Variants in PPEF1 observed in about 807,000 individuals in gnomAD.
PPEF1 encodes the protein protein phosphatase with EF-hand domain 1.
A neutral mutation model predicts 53.3 loss-of-function variants in PPEF1; 12 were observed. That is an observed-to-expected ratio of 0.23 (90% CI 0.14 to 0.36). The LOEUF is 0.36. Among genes scored for constraint, PPEF1 ranks in the 10% least tolerant of loss-of-function variants. The pLI is 1.00. For synonymous variants in PPEF1, 165 were observed against 176.7 expected (o/e 0.93, Z 0.52); for missense variants, 334 against 490.4 (o/e 0.68, Z 3.01).
chrX:18,799,898 A>G (rs1368675021), intron 10 of PPEF1, among the ~76,000 whole-genome samples: 9 of 111,685 alleles, frequency 8.1e-5, no homozygotes, highest in Admixed American at 9.6e-5. Context: ...CTTTTATGCA[A>G]TTTTTTTGTG....
upstream of PPEF1, among the ~76,000 whole-genome samples, chrX:18,704,388 C>G (rs1203917069): frequency 9.0e-6 from 1 of 111,135 alleles, no homozygotes; most frequent in Non-Finnish European, 1.9e-5. Flanking sequence ...AATGTGTATT[C>G]CAAGGCACTG....
intron 1 of PPEF1, among the ~76,000 whole-genome samples, chrX:18,711,392 C>T (rs112347099): frequency 2.1e-4 from 23 of 110,327 alleles, no homozygotes; most frequent in African/African-American, 7.2e-4. Flanking sequence ...GTAATGGTTA[C>T]GCTAAAAGCC....
At chrX:18,746,414 T>C (rs1227750784) in intron 3 of PPEF1, among the ~76,000 whole-genome samples, 1 of 112,393 alleles carries the variant, frequency 8.9e-6, no homozygotes, top group African/African-American at 3.2e-5. Flanking sequence ...TAGTTTTAAC[T>C]AAGAATCGGT....
chrX:18,756,117 T>G (rs867541262), intron 4 of PPEF1, among the ~76,000 whole-genome samples: 20 of 111,008 alleles, frequency 1.8e-4, no homozygotes, highest in Admixed American at 1.2e-3. Flanking sequence ...TTTTCATTAT[T>G]TTACCCATTT....
In PPEF1 at chrX:18,745,208, TTA is replaced by T. The variant is rs762822668; in HGVS notation, c.236-4570_236-4569del. ...TCCATATAATTATATAGAATATATA[TTA>T]TATATATATATATTTATTTTCGAGA... On this transcript the variant is annotated intron_variant, in intron 3 of 15. Transcript: ENST00000470157. Among the ~76,000 whole-genome samples the T allele has an allele frequency of 6.3e-5, 6 of 94,521 alleles. No individual in the cohort carries two copies. The East Asian group carries it at 9.2e-4, about 14-fold the overall frequency. 82.1% of individuals were successfully genotyped at this position (94,521 alleles called of 115,157 possible).
chrX:18,681,924 C>T (rs1028478919), upstream of PPEF1, among the ~76,000 whole-genome samples: 9 of 112,106 alleles, frequency 8.0e-5, no homozygotes, highest in African/African-American at 1.9e-4. Context: ...CTGCACTGTC[C>T]GCGGAACTGG....
chrX:18,724,600 C>G (rs6633131), intron 1 of PPEF1, among the ~76,000 whole-genome samples: 7,655 of 111,813 alleles, frequency 0.068, 658 homozygotes, highest in African/African-American at 0.23. Context: ...GCTACACATG[C>G]TCCTCAATAG....
chrX:18,817,934 C>T (rs758392137), intron 12 of PPEF1, 105 bp from the exon 13 acceptor site: 24 of 563,993 alleles, frequency 4.3e-5, no homozygotes, highest in Non-Finnish European at 6.5e-5. Context: ...AGAATCTGGG[C>T]AATTCATTTA....
At chrX:18,693,345 A>G (rs1486001434) in intron 4 of PPEF1, among the ~76,000 whole-genome samples, 1 of 111,620 alleles carries the variant, frequency 9.0e-6, no homozygotes, top group Admixed American at 9.5e-5. Context: ...AATGCTCCCA[A>G]CCTTTGCTGT....
At chrX:18,766,818 G>A (rs1484388192) in intron 6 of PPEF1, among the ~76,000 whole-genome samples, 1 of 112,288 alleles carries the variant, frequency 8.9e-6, no homozygotes. Flanking sequence ...AGAGGCTGAG[G>A]CGGGTGGATC....
chrX:18,678,949 C>G (rs1928777792), upstream of PPEF1, among the ~76,000 whole-genome samples: 1 of 111,227 alleles, frequency 9.0e-6, no homozygotes, highest in Non-Finnish European at 1.9e-5. Flanking sequence ...TATCTCTAGT[C>G]TAGACTTTTC....
intron 1 of PPEF1, among the ~76,000 whole-genome samples, chrX:18,714,285 T>G (rs2147307817): frequency 9.8e-6 from 1 of 101,822 alleles, no homozygotes; most frequent in East Asian, 3.1e-4. Flanking sequence ...TTGTTTTTTT[T>G]TTTTGAGATG....
At chrX:18,700,279 G>GTGTGTGTT (rs1246743174) in intron 5 of PPEF1, 3 of 104,133 alleles carry the variant, frequency 2.9e-5, no homozygotes, top group African/African-American at 1.0e-4. Context: ...GTGTGTGTGT[G>GTGTGTGTT]TGTTTGTGTG....
At chrX:18,737,648 G>A (rs751765282) in intron 3 of PPEF1, among the ~76,000 whole-genome samples, 1 of 111,618 alleles carries the variant, frequency 9.0e-6, no homozygotes, top group East Asian at 2.8e-4. Context: ...TCTGCTTGGT[G>A]CAGAGCTGAG....
intron 12 of PPEF1, among the ~76,000 whole-genome samples, chrX:18,814,059 T>C: frequency 9.0e-6 from 1 of 111,234 alleles, no homozygotes; most frequent in African/African-American, 3.3e-5. Flanking sequence ...GTGTACCCAA[T>C]GGTGAGCTCC....
rs145796903 is a variant in PPEF1, at chrX:18,790,173, G to C, written c.1065+900G>C. On this transcript the variant is annotated intron_variant, in intron 10 of 15. Coordinates refer to ENST00000470157, the MANE Select transcript of PPEF1 (RefSeq NM_001377996.1). Reference sequence around the variant, plus strand: ...TGAGATGGAATCTCATTGTGGTTTTGATTTGCATTTCCCTAATGACTAATG... The same window carrying C: ...TGAGATGGAATCTCATTGTGGTTTTCATTTGCATTTCCCTAATGACTAATG... 1.3e-4 allele frequency among the ~76,000 whole-genome samples: 14 copies of C among 111,792 alleles called. No individual in the cohort carries two copies. The East Asian group carries it at 3.9e-3, about 31-fold the overall frequency.
chrX:18,732,545 C>T (rs771140030), intron 2 of PPEF1, among the ~76,000 whole-genome samples: 2 of 111,942 alleles, frequency 1.8e-5, no homozygotes, highest in Non-Finnish European at 3.8e-5. Flanking sequence ...TTATAGCTAT[C>T]GTAGTGGGTG....
chrX:18,811,446 A>G (rs2046800460), intron 12 of PPEF1, among the ~76,000 whole-genome samples: 1 of 109,691 alleles, frequency 9.1e-6, no homozygotes, highest in Non-Finnish European at 1.9e-5. Flanking sequence ...AATGATGTTG[A>G]GCGTCTTTCC....
intron 3 of PPEF1, among the ~76,000 whole-genome samples, chrX:18,740,370 A>C (rs1298193482): frequency 9.1e-6 from 1 of 109,344 alleles, no homozygotes; most frequent in African/African-American, 3.3e-5. Flanking sequence ...CAAATTAAAC[A>C]CAGTTGGCCC....
Sources: gnomAD v4.1 joint callset for allele counts (sites outside exome capture counted in the v4.1 genomes callset) on GRCh38, gnomAD v4.1.1 for gene constraint, MANE v1.5 for transcripts, NCBI Gene and HGNC (gene_info 2026-07-23, HGNC 2026-07-21) for gene names.